Variants in AP3S1 observed in about 807,000 individuals in gnomAD.
AP3S1 encodes the protein AP-3 complex subunit sigma-1.
A neutral mutation model predicts 21.3 loss-of-function variants in AP3S1; 12 were observed. The ratio of observed to expected loss-of-function variants is 0.56; its 90% CI spans 0.36 to 0.91. The LOEUF is 0.91. AP3S1 is among the 40% of genes least tolerant of loss of function. The pLI is 0.01. For synonymous variants in AP3S1, 48 were observed against 78.4 expected (o/e 0.61, Z 2.05); for missense variants, 116 against 225.0 (o/e 0.52, Z 3.10).
At chr5:115,897,292 G>C (rs1750832306) in intron 4 of AP3S1, among the ~76,000 whole-genome samples, 1 of 151,924 alleles carries the variant, frequency 6.6e-6, no homozygotes, top group Non-Finnish European at 1.5e-5. Context: ...CACTATTTTA[G>C]AACCTGCCAA....
At chr5:115,850,521 C>T (rs577265743) in intron 1 of AP3S1, among the ~76,000 whole-genome samples, 2 of 152,270 alleles carry the variant, frequency 1.3e-5, no homozygotes, top group East Asian at 3.9e-4. Context: ...ACTTCCTATT[C>T]TCCCCTTCTC....
intron 3 of AP3S1, among the ~76,000 whole-genome samples, chr5:115,883,568 G>A (rs1302704672): frequency 1.3e-5 from 2 of 152,090 alleles, no homozygotes; most frequent in East Asian, 3.9e-4. Flanking sequence ...GATGAGCCAG[G>A]TACCTCGGTT....
chr5:115,842,194 C>T, intron 1 of AP3S1, 88 bp downstream of exon 1: 18 of 1,472,686 alleles, frequency 1.2e-5, no homozygotes, highest in Non-Finnish European at 1.5e-5. Flanking sequence ...GCGACCCCCT[C>T]CGGCGCGCTG....
At chr5:115,866,006 C>T (rs557606175) in intron 1 of AP3S1, among the ~76,000 whole-genome samples, 1 of 152,232 alleles carries the variant, frequency 6.6e-6, no homozygotes, top group East Asian at 1.9e-4. Flanking sequence ...CTGTGTTGGC[C>T]AGGATGGTCT....
chr5:115,903,159 G>C (rs977936210), intron 5 of AP3S1, 167 bp downstream of exon 5: 12 of 496,604 alleles, frequency 2.4e-5, no homozygotes, highest in African/African-American at 2.4e-4. Flanking sequence ...TAAAGGTTCT[G>C]TGACTGTTCT....
At chr5:115,873,409 C>T (rs1026062107) in intron 3 of AP3S1, among the ~76,000 whole-genome samples, 2 of 152,116 alleles carry the variant, frequency 1.3e-5, no homozygotes, top group African/African-American at 4.8e-5. Context: ...TTGTCATTTT[C>T]CGATTACTAA....
intron 3 of AP3S1, among the ~76,000 whole-genome samples, chr5:115,888,128 A>G (rs1020913876): frequency 6.6e-6 from 1 of 152,028 alleles, no homozygotes; most frequent in South Asian, 2.1e-4. Flanking sequence ...TATCCCTGGC[A>G]CCTGAGTAGC....
rs115890395 is a variant in AP3S1 at position 115,873,411 on chromosome 5, G to A, written c.273+3283G>A. ...TTTCAGGAGGACTTTGTCATTTTCC[G>A]ATTACTAAAGTAGGCTAGAGCTGTT... On this transcript the variant is annotated intron_variant, in intron 3 of 5. Coordinates refer to ENST00000316788, the MANE Select transcript of AP3S1 (RefSeq NM_001284.4). Among the ~76,000 whole-genome samples the A allele has an allele frequency of 2.6e-3, 400 of 152,240 alleles. 2 individuals are homozygous for A. The highest frequency in any genetic ancestry group is 9.0e-3 in the African/African-American group (376 of 41,564).
intron 5 of AP3S1, among the ~76,000 whole-genome samples, chr5:115,907,512 C>G (rs1207048243): frequency 6.6e-6 from 1 of 152,050 alleles, no homozygotes; most frequent in Non-Finnish European, 1.5e-5. Context: ...GATCAGAAAT[C>G]TTATAAAACT....
At chr5:115,868,524 A>T (rs527442864) in intron 2 of AP3S1, among the ~76,000 whole-genome samples, 2 of 152,318 alleles carry the variant, frequency 1.3e-5, no homozygotes, top group East Asian at 3.9e-4. Context: ...ACATAGAAGT[A>T]GTATATACCT....
intron 3 of AP3S1, among the ~76,000 whole-genome samples, chr5:115,880,539 A>G (rs1238875524): frequency 6.6e-6 from 1 of 152,070 alleles, no homozygotes; most frequent in Non-Finnish European, 1.5e-5. Flanking sequence ...CTGAGTTCTA[A>G]TTTGATAGCA....
At chr5:115,897,758 T>G (rs140252480) in intron 4 of AP3S1, among the ~76,000 whole-genome samples, 1 of 151,940 alleles carries the variant, frequency 6.6e-6, no homozygotes, top group Non-Finnish European at 1.5e-5. Context: ...GAGATGGTAT[T>G]TCACGGTGTT....
chr5:115,905,317 C>T (rs1330770806), intron 5 of AP3S1, among the ~76,000 whole-genome samples: 3 of 152,148 alleles, frequency 2.0e-5, no homozygotes, highest in Non-Finnish European at 2.9e-5. Flanking sequence ...TATAAGAATA[C>T]TATAACTTAA....
chr5:115,849,408 T>A (rs1307612492), intron 1 of AP3S1, among the ~76,000 whole-genome samples: 1 of 152,098 alleles, frequency 6.6e-6, no homozygotes, highest in Admixed American at 6.5e-5. Context: ...CAGAAAGAAG[T>A]GCAGTGTCCC....
At chr5:115,863,372 G>A (rs1763346304) in intron 1 of AP3S1, among the ~76,000 whole-genome samples, 1 of 148,942 alleles carries the variant, frequency 6.7e-6, no homozygotes. Flanking sequence ...CTCCAGCCTG[G>A]GCAACAGAGC....
intron 3 of AP3S1, among the ~76,000 whole-genome samples, chr5:115,887,175 G>A (rs191484300): frequency 2.0e-5 from 3 of 152,138 alleles, no homozygotes; most frequent in Admixed American, 1.3e-4. Context: ...TAGCTCTGCT[G>A]GTACATTCAA....
At chr5:115,903,945 C>A (rs1226050287) in intron 5 of AP3S1, 1 of 152,000 alleles carries the variant, frequency 6.6e-6, no homozygotes, top group South Asian at 2.1e-4. Context: ...TAGCTGGGCA[C>A]GTAGAGCGCA....
chr5:115,849,533 G>A (rs1762287613), intron 1 of AP3S1, among the ~76,000 whole-genome samples: 1 of 152,176 alleles, frequency 6.6e-6, no homozygotes, highest in South Asian at 2.1e-4. Flanking sequence ...GATCATGCCT[G>A]TATGCCACAC....
At chr5:115,851,341 C>A (rs1762426052) in intron 1 of AP3S1, among the ~76,000 whole-genome samples, 2 of 152,130 alleles carry the variant, frequency 1.3e-5, no homozygotes, top group Admixed American at 6.5e-5. Flanking sequence ...GGTACATACC[C>A]AGAAGTGGAA....
Sources: allele counts gnomAD v4.1 joint callset (sites outside exome capture counted in the v4.1 genomes callset), GRCh38; gene constraint gnomAD v4.1.1; transcripts MANE v1.5; gene names NCBI Gene and HGNC (gene_info 2026-07-23, HGNC 2026-07-21).